The following POPDC2 variants were observed in gnomAD, a reference collection of about 807,000 sequenced individuals.
POPDC2 encodes popeye domain-containing protein 2.
Under a neutral mutation model 30.5 loss-of-function variants are expected in POPDC2, and 24 were observed. The ratio of observed to expected loss-of-function variants is 0.79; its 90% CI spans 0.57 to 1.11. The LOEUF is 1.11. POPDC2 is among the 50% of genes least tolerant of loss of function. The probability of loss-of-function intolerance (pLI) is 0.00; values close to 1 mark genes in which losing one functional copy is unlikely to be tolerated. For synonymous variants in POPDC2, 185 were observed against 183.3 expected, an observed-to-expected ratio of 1.01 and a Z score of -0.07; for missense variants, 409 against 447.0, an observed-to-expected ratio of 0.91 and a Z score of 0.77.
chr3:119,656,719 C>A (rs77861798), intron 1 of POPDC2, among the ~76,000 whole-genome samples: 4 of 152,188 alleles, frequency 2.6e-5, no homozygotes, highest in African/African-American at 4.8e-5. Context: ...CATCTTTAAC[C>A]TCTCTTCTAA....
intron 1 of POPDC2, among the ~76,000 whole-genome samples, chr3:119,656,300 T>C (rs2052878400): frequency 6.7e-6 from 1 of 149,566 alleles, no homozygotes; most frequent in Admixed American, 6.6e-5. Context: ...ATAAAGACCT[T>C]TTTTCCCCCT....
At position 119,642,365 on chromosome 3, in the gene POPDC2, C is replaced by T; in HGVS notation, c.*240G>A. ...TTGGCACCTTCTGTGTCCTCTCTCA[C>T]CTTGCCTGTGAGCCTTCCAGTGGGT... On this transcript the variant is annotated 3_prime_UTR_variant, in exon 4 of 4. Transcript: ENST00000493094. 1 of 758,860 alleles carries T rather than the reference C, an allele frequency of 1.3e-6. No homozygotes were observed. Among genetic ancestry groups the T allele is most frequent in the Non-Finnish European group, 2.3e-6 (1 of 436,608 alleles). 47.0% of individuals were successfully genotyped at this position (758,860 alleles called of 1,614,324 possible).
chr3:119,642,583 G>A, intron 3 of POPDC2, 22 bp from the exon 4 acceptor site: 1 of 1,513,678 alleles, frequency 6.6e-7, no homozygotes, highest in Non-Finnish European at 9.2e-7. Context: ...AAAAGAGGGA[G>A]GATTTTAGCA....
chr3:119,655,986 G>A (rs1438779480), intron 1 of POPDC2, among the ~76,000 whole-genome samples: 1 of 152,180 alleles, frequency 6.6e-6, no homozygotes, highest in Non-Finnish European at 1.5e-5. Flanking sequence ...CTCAAGCTGA[G>A]CCAATCAAAC....
At chr3:119,643,336 G>A in intron 3 of POPDC2, 2 of 1,427,080 alleles carry the variant, frequency 1.4e-6, no homozygotes, top group Non-Finnish European at 1.9e-6. Context: ...GCTAGCACAT[G>A]TTTTCTTTAG....
Position 119,648,605 on chromosome 3 carries a change from G to A in POPDC2, c.664C>T (p.Leu222Phe). The A allele has an allele frequency of 6.2e-7, 1 of 1,614,214 alleles. No individual in the cohort carries two copies. The highest frequency in any genetic ancestry group is 8.5e-7 in the Non-Finnish European group (1 of 1,180,024). ...ISWPRKSLHL[L>F]LTKERYISCL... ...GAGATGTATCGCTCTTTGGTCAGAA[G>A]AAGATGGAGACTTTTCCGGGGCCAG... Residue 222 changes from leucine to phenylalanine, a missense_variant, in exon 3 of 4, where the codon CTT (leucine) becomes TTT (phenylalanine). Physicochemically the swap from Leu to Phe is conservative, Grantham distance 22 (BLOSUM62 0). Coordinates refer to ENST00000493094, the MANE Select transcript of POPDC2 (RefSeq NM_001369919.2).
At chr3:119,652,768 T>G (rs1216851509) in intron 2 of POPDC2, among the ~76,000 whole-genome samples, 1 of 152,080 alleles carries the variant, frequency 6.6e-6, no homozygotes, top group Non-Finnish European at 1.5e-5. Flanking sequence ...AGGAACATGA[T>G]GGAAGTGGAT....
intron 1 of POPDC2, chr3:119,654,865 G>A: frequency 2.2e-6 from 1 of 462,306 alleles, no homozygotes; most frequent in Non-Finnish European, 3.9e-6. Flanking sequence ...TCAATTTCAG[G>A]CTGCAGAGTA....
rs758502664 is a variant in POPDC2, at chr3:119,648,347, G to T, written c.922C>A (p.Pro308Thr). 2 of 1,614,180 alleles carry T rather than the reference G, an allele frequency of 1.2e-6. No individual in the cohort carries two copies. The highest frequency in any genetic ancestry group is 2.2e-5 in the East Asian group (1 of 44,892). The change falls in exon 3 of 4, where the codon CCC becomes ACC. Residue 308 changes from proline (P) to threonine (T), a missense_variant. By Grantham distance (38) the Pro-to-Thr change is conservative. Coordinates refer to ENST00000493094, the MANE Select transcript of POPDC2 (RefSeq NM_001369919.2). ...GTAGCTGGAGGGGTAGAACAAGGGG[G>T]TGTTTGCTGGAGAGAGGTGGGTGTG... ...QATPTSLQQT[P>T]PCSTPPATTN...
chr3:119,654,710 C>A, intron 1 of POPDC2, 97 bp from the exon 2 acceptor site: 1 of 858,318 alleles, frequency 1.2e-6, no homozygotes, highest in Non-Finnish European at 1.9e-6. Context: ...ATGAATCTTC[C>A]TGTAGAAATA....
Position 119,658,192 on chromosome 3 carries a change from T to A in POPDC2, c.491+1741A>T, listed in dbSNP as rs180957786. On this transcript the variant is annotated intron_variant, in intron 1 of 3. Transcript: ENST00000493094. ...ATTCTCCTTTAAAACTAGAGCCCAG[T>A]CATAGACTAGAAGCCTTTTCCTCTA... 5.0e-4 allele frequency among the ~76,000 whole-genome samples: 76 copies of A among 152,180 alleles called. 1 individual carries two copies. The highest frequency in any genetic ancestry group is 2.1e-3 in the Admixed American group (32 of 15,278).
chr3:119,656,582 G>T (rs1402243068), intron 1 of POPDC2, among the ~76,000 whole-genome samples: 1 of 152,158 alleles, frequency 6.6e-6, no homozygotes, highest in Non-Finnish European at 1.5e-5. Flanking sequence ...CTGATGGCAT[G>T]TCATTGATGA....
intron 1 of POPDC2, chr3:119,654,850 G>A (rs996307931): frequency 3.4e-5 from 16 of 475,984 alleles, no homozygotes; most frequent in Admixed American, 7.4e-5. Context: ...CCTTACTGGT[G>A]GTTCTCAATT....
At chr3:119,642,824 G>A (rs943874409) in intron 3 of POPDC2, among the ~76,000 whole-genome samples, 18 of 152,132 alleles carry the variant, frequency 1.2e-4, no homozygotes, top group African/African-American at 3.9e-4. Flanking sequence ...TCCTATGAAC[G>A]TTCTATAGAA....
At chr3:119,657,548 C>T (rs2052893092) in intron 1 of POPDC2, among the ~76,000 whole-genome samples, 1 of 152,180 alleles carries the variant, frequency 6.6e-6, no homozygotes, top group Non-Finnish European at 1.5e-5. Context: ...AAGGAACAAA[C>T]TCACTTGTGT....
chr3:119,652,887 C>A (rs2052828525), intron 2 of POPDC2, among the ~76,000 whole-genome samples: 1 of 152,168 alleles, frequency 6.6e-6, no homozygotes, highest in Non-Finnish European at 1.5e-5. Flanking sequence ...GGTAGCACTG[C>A]CCGGTGTGTG....
intron 1 of POPDC2, among the ~76,000 whole-genome samples, chr3:119,656,157 A>G (rs2052876641): frequency 2.6e-5 from 4 of 152,208 alleles, no homozygotes; most frequent in African/African-American, 9.7e-5. Flanking sequence ...ATGGGTCCCA[A>G]TTGGCTATAG....
At chr3:119,644,599 TCTGA>T (rs1412908880) in intron 3 of POPDC2, among the ~76,000 whole-genome samples, 6 of 151,926 alleles carry the variant, frequency 3.9e-5, no homozygotes, top group African/African-American at 7.2e-5. Flanking sequence ...CAGAGGAAAC[TCTGA>T]CTATTTTCAG....
chr3:119,657,942 T>C (rs780447896), intron 1 of POPDC2, among the ~76,000 whole-genome samples: 1 of 152,246 alleles, frequency 6.6e-6, no homozygotes, highest in Admixed American at 6.5e-5. Context: ...AACAGGGTGA[T>C]AGACTTTGAG....
Sources: allele counts gnomAD v4.1 joint callset (sites outside exome capture counted in the v4.1 genomes callset), GRCh38; gene constraint gnomAD v4.1.1; transcripts MANE v1.5; gene names NCBI Gene and HGNC (gene_info 2026-07-23, HGNC 2026-07-21).